The following CDK13 variants were observed in gnomAD, a reference collection of about 807,000 sequenced individuals.
The protein encoded by CDK13 is cyclin dependent kinase 13, also known as cyclin-dependent kinase 13.
In CDK13, 40 loss-of-function variants were observed where a neutral mutation model predicts 137.6. The ratio of observed to expected loss-of-function variants is 0.29; its 90% CI spans 0.23 to 0.38. The LOEUF (loss-of-function observed/expected upper bound fraction) is 0.38. Among genes scored for constraint, CDK13 ranks in the 10% least tolerant of loss-of-function variants. The pLI, the probability that CDK13 is intolerant of heterozygous loss-of-function variation, is 1.00. For synonymous variants in CDK13, 869 were observed against 760.1 expected, an observed-to-expected ratio of 1.14 and a Z score of -2.36; for missense variants, 1,704 against 1,951.8, an observed-to-expected ratio of 0.87 and a Z score of 2.39.
intron 2 of CDK13, among the ~76,000 whole-genome samples, chr7:39,992,213 C>T (rs1784478459): frequency 6.8e-6 from 1 of 147,560 alleles, no homozygotes; most frequent in African/African-American, 2.5e-5. Flanking sequence ...TACACTTCTC[C>T]CCGAGATGAA....
chr7:39,991,546 G>A (rs1291313963), intron 2 of CDK13, among the ~76,000 whole-genome samples: 1 of 149,676 alleles, frequency 6.7e-6, no homozygotes, highest in Non-Finnish European at 1.5e-5. Context: ...TCTTGATTTT[G>A]CAAACCTGTA....
rs368690627 is a variant in CDK13, at chr7:40,068,549, C to T, written c.2780+5449C>T. On this transcript the variant is annotated intron_variant, in intron 9 of 13. Coordinates refer to ENST00000181839, the MANE Select transcript of CDK13 (RefSeq NM_003718.5). ...TCTCTACTAAAAATACAAAAATTAC[C>T]TGGGCGCAGTGGTGTGTGCCTGTAA... 4.0e-4 allele frequency among the ~76,000 whole-genome samples: 61 copies of T among 151,338 alleles called. 1 individual carries two copies. In the South Asian group the frequency reaches 0.012, roughly 31 times the overall value.
At chr7:40,081,980 A>G (rs528128829) in intron 11 of CDK13, among the ~76,000 whole-genome samples, 1 of 152,328 alleles carries the variant, frequency 6.6e-6, no homozygotes, top group Admixed American at 6.5e-5. Context: ...AATGAAAGAG[A>G]GGGCTGAGAT....
intron 5 of CDK13, among the ~76,000 whole-genome samples, chr7:40,029,744 C>G (rs1230783865): frequency 1.3e-5 from 2 of 152,002 alleles, no homozygotes; most frequent in Non-Finnish European, 2.9e-5. Context: ...CCTCTGCCTC[C>G]CGGGTTCAAG....
chr7:40,051,674 C>A (rs1454190981), intron 7 of CDK13, among the ~76,000 whole-genome samples: 1 of 152,146 alleles, frequency 6.6e-6, no homozygotes, highest in African/African-American at 2.4e-5. Flanking sequence ...ATAGCATCAA[C>A]CACAGCTCTC....
intron 5 of CDK13, among the ~76,000 whole-genome samples, chr7:40,014,881 G>C (rs1043773811): frequency 2.6e-5 from 4 of 152,004 alleles, no homozygotes; most frequent in African/African-American, 9.7e-5. Flanking sequence ...TTCATCTTTT[G>C]AGTAACATTG....
intron 5 of CDK13, among the ~76,000 whole-genome samples, chr7:40,025,923 TTG>T (rs1785233779): frequency 6.6e-6 from 1 of 152,190 alleles, no homozygotes; most frequent in South Asian, 2.1e-4. Flanking sequence ...GCAATTTTTT[TTG>T]TTGCCAAAGT....
At chr7:40,084,123 T>C (rs1786734086) in intron 11 of CDK13, among the ~76,000 whole-genome samples, 1 of 152,168 alleles carries the variant, frequency 6.6e-6, no homozygotes, top group Non-Finnish European at 1.5e-5. Flanking sequence ...GGCGGACCTA[T>C]CACTTGAGGC....
In CDK13 at chr7:40,004,916, C is replaced by T. The variant is rs1206757326; in HGVS notation, c.2353+2885C>T. Among the ~76,000 whole-genome samples, 3 of 152,122 alleles carry T rather than the reference C, an allele frequency of 2.0e-5. No homozygotes were observed. The East Asian group carries it at 5.8e-4, about 29-fold the overall frequency. On this transcript the variant is annotated intron_variant, in intron 5 of 13. Coordinates refer to ENST00000181839, the MANE Select transcript of CDK13 (RefSeq NM_003718.5). ...GCATAGTGGCTTAAACCTGTAATCCCAGCACTTAGGGAAGGCCGAGGTAGG... is the reference window on the plus strand; with the variant it reads ...GCATAGTGGCTTAAACCTGTAATCCTAGCACTTAGGGAAGGCCGAGGTAGG...
At chr7:39,955,887 C>G (rs576763932) in intron 1 of CDK13, among the ~76,000 whole-genome samples, 1 of 151,938 alleles carries the variant, frequency 6.6e-6, no homozygotes. Flanking sequence ...TTTGTTCTTT[C>G]TCTAAACCTA....
intron 1 of CDK13, among the ~76,000 whole-genome samples, chr7:39,960,578 T>C (rs1156681515): frequency 2.7e-5 from 4 of 150,052 alleles, no homozygotes; most frequent in African/African-American, 7.4e-5. Flanking sequence ...TTAAAATTAA[T>C]TTATTTATTT....
At chr7:39,966,246 C>G (rs552840328) in intron 1 of CDK13, among the ~76,000 whole-genome samples, 32 of 152,320 alleles carry the variant, frequency 2.1e-4, no homozygotes, top group Admixed American at 5.2e-4. Flanking sequence ...CTGTCACTTT[C>G]AGGTACACCA....
intron 5 of CDK13, among the ~76,000 whole-genome samples, chr7:40,017,999 A>ATTAT (rs1321078619): frequency 6.6e-6 from 1 of 151,124 alleles, no homozygotes; most frequent in Non-Finnish European, 1.5e-5. Context: ...CTGCCACCAT[A>ATTAT]TTATATCGCT....
intron 1 of CDK13, among the ~76,000 whole-genome samples, chr7:39,982,325 TCC>T (rs1164101280): frequency 6.6e-6 from 1 of 152,100 alleles, no homozygotes; most frequent in Admixed American, 6.5e-5. Context: ...TTCATCCATG[TCC>T]CTACAAAGGA....
At chr7:40,006,415 GTTAC>G (rs1462275393) in intron 5 of CDK13, among the ~76,000 whole-genome samples, 1 of 152,162 alleles carries the variant, frequency 6.6e-6, no homozygotes, top group East Asian at 1.9e-4. Context: ...GCTTTTCTTT[GTTAC>G]TTTCTTCCTT....
intron 9 of CDK13, among the ~76,000 whole-genome samples, chr7:40,067,067 C>T (rs980468575): frequency 1.3e-5 from 2 of 151,924 alleles, no homozygotes; most frequent in African/African-American, 4.8e-5. Context: ...CAGCATTATT[C>T]GAAGAGTTTC....
intron 7 of CDK13, among the ~76,000 whole-genome samples, chr7:40,055,301 T>C (rs1304125468): frequency 1.3e-5 from 2 of 152,138 alleles, no homozygotes; most frequent in Non-Finnish European, 2.9e-5. Flanking sequence ...ACACATTTAT[T>C]TGATAACATC....
chr7:40,062,992 A>T (rs377482426), intron 8 of CDK13, 31 bp from the exon 9 acceptor site: 240 of 1,608,296 alleles, frequency 1.5e-4, no homozygotes, highest in Non-Finnish European at 1.8e-4. Context: ...AAAATAGATC[A>T]TTTGGTAATG....
chr7:39,983,042 T>C (rs1447982467), intron 1 of CDK13, among the ~76,000 whole-genome samples: 1 of 152,258 alleles, frequency 6.6e-6, no homozygotes, highest in Non-Finnish European at 1.5e-5. Context: ...TTGTCAATTT[T>C]GGCTTTTGTT....
Sources: allele counts gnomAD v4.1 joint callset (sites outside exome capture counted in the v4.1 genomes callset), GRCh38; gene constraint gnomAD v4.1.1; transcripts MANE v1.5; gene names NCBI Gene and HGNC (gene_info 2026-07-23, HGNC 2026-07-21).